Variants in NKAIN1 observed in about 807,000 individuals in gnomAD.
NKAIN1 encodes sodium/potassium transporting ATPase interacting 1.
In NKAIN1, 13 loss-of-function variants were observed where a neutral mutation model predicts 31.6. The observed-to-expected ratio is 0.41, with a 90% CI of 0.27 to 0.65. The LOEUF (loss-of-function observed/expected upper bound fraction) is 0.65. NKAIN1 is among the 30% of genes least tolerant of loss of function. The pLI, the probability that NKAIN1 is intolerant of heterozygous loss-of-function variation, is 0.30. For missense variants in NKAIN1, 193 were observed against 262.2 expected (o/e 0.74, Z 1.82); for synonymous variants, 104 against 109.0 (o/e 0.95, Z 0.28).
intron 1 of NKAIN1, among the ~76,000 whole-genome samples, chr1:31,230,160 G>A (rs748510369): frequency 4.6e-5 from 7 of 152,092 alleles, no homozygotes; most frequent in Non-Finnish European, 7.4e-5. Context: ...CACAGTACTC[G>A]GATTGCAGAA....
chr1:31,236,500 G>A (rs1290567478), intron 1 of NKAIN1, among the ~76,000 whole-genome samples: 2 of 152,142 alleles, frequency 1.3e-5, no homozygotes, highest in Non-Finnish European at 2.9e-5. Flanking sequence ...CCCTCAGGCT[G>A]GTGAATTCCA....
chr1:31,215,463 C>T (rs1308328041), intron 1 of NKAIN1, among the ~76,000 whole-genome samples: 1 of 152,222 alleles, frequency 6.6e-6, no homozygotes, highest in Non-Finnish European at 1.5e-5. Context: ...CTGTTATCCC[C>T]ATCAGACCGC....
intron 1 of NKAIN1, among the ~76,000 whole-genome samples, chr1:31,193,348 G>A (rs1309632771): frequency 1.3e-5 from 2 of 151,892 alleles, no homozygotes; most frequent in Non-Finnish European, 2.9e-5. Context: ...GATTACAGGC[G>A]TGAGCCACCG....
Position 31,239,375 on chromosome 1 carries a change from C to G in NKAIN1, c.54+119G>C, listed in dbSNP as rs1253580941. On this transcript the variant is annotated intron_variant, in intron 1 of 6. Transcript: ENST00000373736. The surrounding 1 kb of genome is among the most constrained non-coding windows in gnomAD (Gnocchi z 4.8). ...CGCTCCGAGACTCCAGACCACCCCC[C>G]GCCCGGGCACACGCACCAGACACAC... The G allele has an allele frequency of 1.4e-6, 1 of 699,086 alleles. No homozygotes were observed. The highest frequency in any genetic ancestry group is 2.0e-6 in the Non-Finnish European group (1 of 490,974). 43.3% of individuals were successfully genotyped at this position (699,086 alleles called of 1,614,324 possible).
At chr1:31,195,630 A>G (rs972176878) in intron 1 of NKAIN1, among the ~76,000 whole-genome samples, 1 of 151,942 alleles carries the variant, frequency 6.6e-6, no homozygotes, top group African/African-American at 2.4e-5. Flanking sequence ...TAAAAAAAGA[A>G]AAAAAAAGTG....
intron 1 of NKAIN1, among the ~76,000 whole-genome samples, chr1:31,226,618 G>A (rs186190925): frequency 2.0e-5 from 3 of 151,322 alleles, no homozygotes; most frequent in East Asian, 2.0e-4. Flanking sequence ...TCCGCCTCCC[G>A]GGTTCAAGCA....
chr1:31,200,571 C>T (rs985895341), intron 1 of NKAIN1, among the ~76,000 whole-genome samples: 4 of 151,368 alleles, frequency 2.6e-5, no homozygotes, highest in African/African-American at 9.7e-5. Context: ...GATCTTCCCA[C>T]CTCAGCCTCC....
intron 1 of NKAIN1, among the ~76,000 whole-genome samples, chr1:31,213,993 C>CAA (rs148357835): frequency 0.013 from 1,937 of 145,208 alleles, 53 homozygotes; most frequent in African/African-American, 0.043. Flanking sequence ...GCCCCTGTCT[C>CAA]AAAAAAAGAA....
chr1:31,199,014 A>T lies in NKAIN1; in HGVS notation c.55-10827T>A, dbSNP rs1027128766. ...AAGTCTCTCGTGCCCCACCCTTGCC[A>T]GCCAATTTGGCAAGTCAACTACTTT... On this transcript the variant is annotated intron_variant, in intron 1 of 6. Transcript: ENST00000373736. Among the ~76,000 whole-genome samples the T allele has an allele frequency of 1.8e-4, 27 of 152,214 alleles. 1 individual carries two copies. The highest frequency in any genetic ancestry group is 6.3e-4 in the African/African-American group (26 of 41,470).
intron 1 of NKAIN1, among the ~76,000 whole-genome samples, chr1:31,218,017 TTTC>T (rs1557659870): frequency 2.0e-3 from 26 of 13,236 alleles, no homozygotes; most frequent in African/African-American, 7.7e-3. Context: ...CAGCTACCAT[TTTC>T]TTTCTTTCTT....
intron 1 of NKAIN1, among the ~76,000 whole-genome samples, chr1:31,226,814 G>T (rs1055520589): frequency 6.6e-6 from 1 of 151,724 alleles, no homozygotes. Context: ...GTGAGCCACC[G>T]CACCCGGCCA....
At chr1:31,182,071 A>C (rs1027883736) in intron 5 of NKAIN1, 130 bp from the exon 6 acceptor site, 13 of 911,514 alleles carry the variant, frequency 1.4e-5, no homozygotes, top group Admixed American at 4.2e-5. Flanking sequence ...AGCCATGAGG[A>C]GGGGAGGGGC....
intron 3 of NKAIN1, 69 bp downstream of exon 3, chr1:31,185,178 A>C: frequency 7.8e-7 from 1 of 1,281,344 alleles, no homozygotes; most frequent in Non-Finnish European, 1.1e-6. Flanking sequence ...CCTATACCAC[A>C]GTACCCTTAG....
At chr1:31,230,343 G>A (rs1292263212) in intron 1 of NKAIN1, among the ~76,000 whole-genome samples, 1 of 152,112 alleles carries the variant, frequency 6.6e-6, no homozygotes, top group Non-Finnish European at 1.5e-5. Flanking sequence ...CTTGCTCAAG[G>A]TCATCCAGCT....
intron 1 of NKAIN1, among the ~76,000 whole-genome samples, chr1:31,225,176 C>T (rs562523628): frequency 4.4e-4 from 66 of 149,732 alleles, no homozygotes; most frequent in Middle Eastern, 3.5e-3. Context: ...TACAGGCACC[C>T]GCCACCACAC....
intron 5 of NKAIN1, among the ~76,000 whole-genome samples, chr1:31,182,294 T>G (rs1484425328): frequency 2.7e-5 from 4 of 146,794 alleles, no homozygotes; most frequent in African/African-American, 5.1e-5. Context: ...TCTGATGGGG[T>G]GGGGCGAGAT....
chr1:31,225,321 C>G (rs1035885539), intron 1 of NKAIN1, among the ~76,000 whole-genome samples: 3 of 121,534 alleles, frequency 2.5e-5, no homozygotes, highest in African/African-American at 9.9e-5. Flanking sequence ...CCACCATGCC[C>G]GGCCTTTTTT....
chr1:31,191,302 A>AG (rs1645283586), intron 1 of NKAIN1, among the ~76,000 whole-genome samples: 1 of 151,998 alleles, frequency 6.6e-6, no homozygotes. Context: ...AAAAAAAAAA[A>AG]AAAATCCACC....
chr1:31,211,500 A>C (rs549568074), intron 1 of NKAIN1, among the ~76,000 whole-genome samples: 67 of 152,374 alleles, frequency 4.4e-4, no homozygotes, highest in African/African-American at 1.6e-3. Context: ...AAGAAATTAA[A>C]GAAGACCCAA....
Sources: gnomAD v4.1 joint callset for allele counts (sites outside exome capture counted in the v4.1 genomes callset) on GRCh38, gnomAD v4.1.1 for gene constraint, Gnocchi (gnomAD v3.1) non-coding constraint, MANE v1.5 for transcripts, NCBI Gene and HGNC (gene_info 2026-07-23, HGNC 2026-07-21) for gene names.